Variants in LAS1L observed in about 807,000 individuals in gnomAD.
The protein encoded by LAS1L is LAS1 like ribosome biogenesis factor.
A neutral mutation model predicts 57.3 loss-of-function variants in LAS1L; 5 were observed. The ratio of observed to expected loss-of-function variants is 0.09; its 90% CI spans 0.05 to 0.18. The LOEUF is 0.18. Among genes scored for constraint, LAS1L ranks in the 10% least tolerant of loss-of-function variants. The pLI is 1.00. For missense variants in LAS1L, 360 were observed against 568.3 expected, an observed-to-expected ratio of 0.63 and a Z score of 3.73; for synonymous variants, 245 against 231.7, an observed-to-expected ratio of 1.06 and a Z score of -0.52.
In LAS1L at chrX:65,523,972, C is replaced by T. The variant is rs940708873; in HGVS notation, c.1300+84G>A. Reference sequence around the variant, plus strand: ...TAACACGGGAGGTGTTTGCCTGGTGCTTCTTAGCAGAGAGCTGAGGACAGT... The same window carrying T: ...TAACACGGGAGGTGTTTGCCTGGTGTTTCTTAGCAGAGAGCTGAGGACAGT... On this transcript the variant is annotated intron_variant, in intron 10 of 13. Transcript: ENST00000374811. 7 of 969,259 alleles carry T rather than the reference C, an allele frequency of 7.2e-6. No individual in the cohort carries two copies. The African/African-American group carries it at 1.3e-4, about 18-fold the overall frequency. 79.9% of individuals were successfully genotyped at this position (969,259 alleles called of 1,213,427 possible). A position where few individuals can be genotyped will look rare whatever the true frequency, so the allele number is the denominator to read the frequency against.
chrX:65,529,346 G>T, intron 5 of LAS1L, 88 bp from the exon 6 acceptor site: 1 of 836,348 alleles, frequency 1.2e-6, no homozygotes, highest in South Asian at 2.5e-5. Flanking sequence ...CTCATTTCTT[G>T]AGTTGTAATT....
chrX:65,517,341 A>G (rs1409059634), intron 12 of LAS1L, among the ~76,000 whole-genome samples: 36 of 98,352 alleles, frequency 3.7e-4, no homozygotes, highest in East Asian at 1.7e-3. Flanking sequence ...TCCACCTCCC[A>G]GGTTCACGCC....
chrX:65,524,507 A>G (rs1159650155), intron 9 of LAS1L, 57 bp downstream of exon 9: 3 of 513,755 alleles, frequency 5.8e-6, no homozygotes, highest in Admixed American at 5.5e-5. Context: ...CTGACTCAAA[A>G]TAAAGTATAA....
intron 12 of LAS1L, among the ~76,000 whole-genome samples, chrX:65,515,928 G>A (rs372031475): frequency 1.9e-4 from 21 of 111,641 alleles, no homozygotes; most frequent in African/African-American, 6.9e-4. Context: ...GGGGATGCCG[G>A]ACATCCCCCA....
At position 65,524,102 on chromosome X, in the gene LAS1L, G is replaced by A; in HGVS notation, c.1254C>T (p.Tyr418=). The change falls in exon 10 of 14, where the codon TAC becomes TAT. Residue 418 remains tyrosine, a synonymous_variant. Coordinates refer to ENST00000374811, the MANE Select transcript of LAS1L (RefSeq NM_031206.7). ...TCAGTTCAACGGTCCATCTGAGGAT[G>A]TAGGTAGGCCGGATCCCGCTGATCC... ...ALGISGIRPT[Y]ILRWTVELIV... 5 of 1,211,415 alleles carry A rather than the reference G, an allele frequency of 4.1e-6. No individual in the cohort carries two copies. Among genetic ancestry groups the A allele is most frequent in the Non-Finnish European group, 5.6e-6 (5 of 895,262 alleles).
chrX:65,525,765 A>AG (rs994044195), intron 7 of LAS1L, among the ~76,000 whole-genome samples: 4 of 107,515 alleles, frequency 3.7e-5, no homozygotes, highest in Non-Finnish European at 5.7e-5. Context: ...AAAAAAAAAA[A>AG]AAAGAAAGAA....
Position 65,524,275 on chromosome X carries a change from G to A in LAS1L, c.1094-13C>T, listed in dbSNP as rs772235476. ...AAGTCCACGTTTTCTGGTTTGTAAG[G>A]GACACCCATTTGGGGGGGCAATAGG... On this transcript the variant is annotated splice_polypyrimidine_tract_variant and intron_variant, in intron 9 of 13. Transcript: ENST00000374811. 8.5e-7 allele frequency: 1 copy of A among 1,178,416 alleles called. No homozygotes were observed. Among genetic ancestry groups the A allele is most frequent in the Non-Finnish European group, 1.1e-6 (1 of 869,929 alleles).
In LAS1L at chrX:65,524,105, G is replaced by C. The variant is rs759857942; in HGVS notation, c.1251C>G (p.Thr417=). The C allele has an allele frequency of 2.5e-6, 3 of 1,209,590 alleles. No individual in the cohort carries two copies. ...GTTCAACGGTCCATCTGAGGATGTA[G>C]GTAGGCCGGATCCCGCTGATCCCCA... The part of the protein sequence containing the change: ...PALGISGIRP[T]YILRWTVELI... The change falls in exon 10 of 14, where the codon ACC becomes ACG. Residue 417 remains threonine, a synonymous_variant. Coordinates refer to ENST00000374811, the MANE Select transcript of LAS1L (RefSeq NM_031206.7).
Position 65,532,645 on chromosome X carries a change from G to A in LAS1L, c.363-15C>T. 8.8e-7 allele frequency: 1 copy of A among 1,139,381 alleles called. No individual in the cohort carries two copies. Among genetic ancestry groups the A allele is most frequent in the South Asian group, 1.8e-5 (1 of 55,277 alleles). 93.9% of individuals were successfully genotyped at this position (1,139,381 alleles called of 1,213,427 possible). A position where few individuals can be genotyped will look rare whatever the true frequency, so the allele number is the denominator to read the frequency against. ...GATTCACAAACCTGGAGTTGAGGGA[G>A]AAATAAGTGGCACAGCCCAAGGAAC... On this transcript the variant is annotated splice_polypyrimidine_tract_variant and intron_variant, in intron 2 of 13. Transcript: ENST00000374811.
intron 12 of LAS1L, among the ~76,000 whole-genome samples, chrX:65,515,351 C>T (rs1400689779): frequency 1.8e-5 from 2 of 110,885 alleles, no homozygotes; most frequent in Non-Finnish European, 3.8e-5. Flanking sequence ...TCTGTAGACA[C>T]ACACACAGGG....
At chrX:65,528,413 C>T (rs1205838540) in intron 6 of LAS1L, 44 bp from the exon 7 acceptor site, 1 of 781,136 alleles carries the variant, frequency 1.3e-6, no homozygotes, top group African/African-American at 2.0e-5. Flanking sequence ...TTCAGCCAAG[C>T]AACCCACCTC....
chrX:65,521,870 G>A (rs756471738), intron 11 of LAS1L: 1 of 111,392 alleles, frequency 9.0e-6, no homozygotes. Flanking sequence ...GCAGGTTGAG[G>A]AGTAAGAGGG....
At chrX:65,520,625 C>T in intron 11 of LAS1L, 1 of 754,635 alleles carries the variant, frequency 1.3e-6, no homozygotes, top group Non-Finnish European at 1.6e-6. Flanking sequence ...CTGTTCTCCA[C>T]TCTGTGTAAC....
chrX:65,520,013 A>C (rs1181595412), intron 11 of LAS1L, among the ~76,000 whole-genome samples: 1 of 112,293 alleles, frequency 8.9e-6, no homozygotes, highest in East Asian at 2.8e-4. Flanking sequence ...CATTAGTGTG[A>C]TTAATAATAA....
chrX:65,523,408 C>A (rs1602608530), intron 11 of LAS1L, 152 bp downstream of exon 11: 2 of 534,939 alleles, frequency 3.7e-6, no homozygotes, highest in Non-Finnish European at 5.7e-6. Context: ...TACCCCTCCC[C>A]TCTCTGGACT....
chrX:65,534,751 C>G lies in LAS1L; in HGVS notation c.-36G>C, dbSNP rs1392759942. 1.9e-6 allele frequency: 2 copies of G among 1,078,134 alleles called. No homozygotes were observed. The allele number at this position is 1,078,134 out of a possible 1,213,427, so 88.9% of individuals were successfully genotyped here. A position where few individuals can be genotyped will look rare whatever the true frequency, so the allele number is the denominator to read the frequency against. ...ACAACAGGCTCTGTGCCGCGCCGCT[C>G]CGCACAGCCTTCAGCTCAGCGTGCT... On this transcript the variant is annotated 5_prime_UTR_variant, in exon 1 of 14. Transcript: ENST00000374811.
chrX:65,520,812 C>T, intron 11 of LAS1L: 2 of 754,652 alleles, frequency 2.7e-6, no homozygotes. Flanking sequence ...TTCCACTCTG[C>T]AGGCACTTAG....
Position 65,523,684 on chromosome X carries a change from C to A in LAS1L, c.1324G>T (p.Ala442Ser). 8.4e-7 allele frequency: 1 copy of A among 1,195,487 alleles called. No individual in the cohort carries two copies. Among genetic ancestry groups the A allele is most frequent in the Non-Finnish European group, 1.1e-6 (1 of 887,423 alleles). The change falls in exon 11 of 14, where the codon GCA becomes TCA. Residue 442 changes from alanine (A) to serine (S), a missense_variant. Physicochemically the swap from Ala to Ser is moderately conservative, Grantham distance 99. Transcript: ENST00000374811. The part of the protein sequence containing the change: ...KTGRNARRFS[A>S]GQWEARRGWR... ...CCCCTTCTTGCTTCCCACTGGCCTGCAGAAAATCGGCGAGCATTCCGTCCT... is the reference window on the plus strand; with the variant it reads ...CCCCTTCTTGCTTCCCACTGGCCTGAAGAAAATCGGCGAGCATTCCGTCCT...
rs1019991147 is a variant in LAS1L, at chrX:65,518,587, T to C, written c.1449-122A>G. On this transcript the variant is annotated intron_variant, in intron 11 of 13. Coordinates refer to ENST00000374811, the MANE Select transcript of LAS1L (RefSeq NM_031206.7). ...GACCTGCCTCTGAAAGGCAGTGTAG[T>C]AGAGCAGACAGAACATAGAAACAAC... 1.9e-5 allele frequency: 19 copies of C among 1,002,939 alleles called. No individual in the cohort carries two copies. In the African/African-American group the frequency reaches 3.5e-4, roughly 18 times the overall value. The allele number at this position is 1,002,939 out of a possible 1,213,427, so 82.7% of individuals were successfully genotyped here.
Sources: allele counts gnomAD v4.1 joint callset (sites outside exome capture counted in the v4.1 genomes callset), GRCh38; gene constraint gnomAD v4.1.1; transcripts MANE v1.5; gene names NCBI Gene and HGNC (gene_info 2026-07-23, HGNC 2026-07-21).